The following CEP112 variants were observed in gnomAD, a reference collection of about 807,000 sequenced individuals.
CEP112 encodes the protein centrosomal protein 112.
Under a neutral mutation model 153.0 loss-of-function variants are expected in CEP112, and 127 were observed. That is an observed-to-expected ratio of 0.83 (90% CI 0.72 to 0.96). The LOEUF (loss-of-function observed/expected upper bound fraction) is 0.96, where lower values mean the gene tolerates loss of function less well. Ranked by LOEUF, CEP112 falls within the 40% of genes least tolerant of loss-of-function variation. The pLI is 0.00. For missense variants in CEP112, 1,089 were observed against 1,101.2 expected (o/e 0.99, Z 0.16); for synonymous variants, 358 against 374.4 (o/e 0.96, Z 0.51).
At chr17:66,040,492 T>TC (rs1351225399) in intron 12 of CEP112, among the ~76,000 whole-genome samples, 1 of 45,650 alleles carries the variant, frequency 2.2e-5, no homozygotes, top group Non-Finnish European at 4.8e-5. Flanking sequence ...TTCCCTTTTT[T>TC]TCTTTTTTTT....
intron 6 of CEP112, among the ~76,000 whole-genome samples, chr17:66,121,727 G>T (rs541945830): frequency 2.6e-5 from 4 of 151,756 alleles, no homozygotes; most frequent in African/African-American, 7.2e-5. Context: ...TAGAGATGGG[G>T]GTCTCACTAT....
chr17:65,941,903 T>A (rs2061516738), intron 18 of CEP112, among the ~76,000 whole-genome samples: 1 of 152,032 alleles, frequency 6.6e-6, no homozygotes, highest in Non-Finnish European at 1.5e-5. Context: ...CTGCCTCAAG[T>A]CTTCCAAGTA....
intron 21 of CEP112, among the ~76,000 whole-genome samples, chr17:65,794,429 A>G (rs938021145): frequency 1.7e-4 from 26 of 151,878 alleles, no homozygotes; most frequent in Admixed American, 1.7e-3. Flanking sequence ...CCTTCCCTCT[A>G]TAATGCATTT....
In CEP112 at chr17:65,762,374, G is replaced by T. The variant is rs1021353660; in HGVS notation, c.2395-11650C>A. ...AATATATAGTTGGGTCTTATTTTTTGATCCACTCTGACAATCTCTGCCTTT... is the reference window on the plus strand; with the variant it reads ...AATATATAGTTGGGTCTTATTTTTTTATCCACTCTGACAATCTCTGCCTTT... On this transcript the variant is annotated intron_variant, in intron 21 of 26. Transcript: ENST00000535342. Among the ~76,000 whole-genome samples the T allele has an allele frequency of 4.6e-5, 7 of 151,872 alleles. No homozygotes were observed. In the South Asian group the frequency reaches 6.2e-4, roughly 14 times the overall value.
chr17:65,780,962 A>C (rs559451753), intron 21 of CEP112, among the ~76,000 whole-genome samples: 1 of 152,262 alleles, frequency 6.6e-6, no homozygotes, highest in African/African-American at 2.4e-5. Context: ...AAAAAAAGTA[A>C]TGTATATTAA....
chr17:66,062,576 T>G (rs79402228), intron 11 of CEP112, among the ~76,000 whole-genome samples: 4 of 152,042 alleles, frequency 2.6e-5, no homozygotes, highest in Admixed American at 6.6e-5. Context: ...TAAATTCTAG[T>G]CCATATTATA....
intron 12 of CEP112, among the ~76,000 whole-genome samples, chr17:66,040,860 ATCTT>A (rs752489935): frequency 1.3e-5 from 2 of 152,156 alleles, no homozygotes; most frequent in African/African-American, 4.8e-5. Flanking sequence ...ATTTATTAGT[ATCTT>A]TCTTTAAGGT....
chr17:66,077,583 G>A (rs1205432250), intron 8 of CEP112, among the ~76,000 whole-genome samples: 1 of 152,226 alleles, frequency 6.6e-6, no homozygotes, highest in African/African-American at 2.4e-5. Context: ...CCAAACCTAA[G>A]AACAATCGGT....
intron 2 of CEP112, among the ~76,000 whole-genome samples, chr17:66,181,005 A>G (rs1346446683): frequency 6.6e-6 from 1 of 152,192 alleles, no homozygotes; most frequent in East Asian, 1.9e-4. Context: ...ACAAGAAGAA[A>G]ATACAAAAGT....
chr17:66,128,343 GA>G (rs202183945), intron 6 of CEP112, among the ~76,000 whole-genome samples: 4 of 129,852 alleles, frequency 3.1e-5, no homozygotes, highest in Non-Finnish European at 5.1e-5. Context: ...AAAAGTATAA[GA>G]AAAAAAAAGA....
rs75007864 is a variant in CEP112, at chr17:65,978,345, A to C, written c.1737-16747T>G. Among the ~76,000 whole-genome samples, 264 of 152,348 alleles carry C rather than the reference A, an allele frequency of 1.7e-3. 7 individuals carry two copies. The East Asian group carries it at 0.047, about 27-fold the overall frequency. ...CATTTAAAAAGCACAAAAGGAAAAT[A>C]CTTTGGTGACATAAAGGTAAACATT... On this transcript the variant is annotated intron_variant, in intron 17 of 26. Transcript: ENST00000535342.
At chr17:66,005,070 A>G (rs2064216587) in intron 17 of CEP112, among the ~76,000 whole-genome samples, 1 of 152,198 alleles carries the variant, frequency 6.6e-6, no homozygotes, top group African/African-American at 2.4e-5. Context: ...CTCAATATTT[A>G]TTGAGTTCAG....
chr17:66,038,896 A>G (rs535780178), intron 12 of CEP112, among the ~76,000 whole-genome samples: 6 of 152,332 alleles, frequency 3.9e-5, no homozygotes, highest in African/African-American at 1.4e-4. Flanking sequence ...AAGAGGAGAC[A>G]GGGAAGAGTA....
chr17:65,920,365 ATATATAT>A (rs1568229787), intron 19 of CEP112, among the ~76,000 whole-genome samples: 4 of 32,822 alleles, frequency 1.2e-4, no homozygotes, highest in East Asian at 2.0e-3. Flanking sequence ...CAAACAAAAT[ATATATAT>A]ATATATATAT....
intron 23 of CEP112, among the ~76,000 whole-genome samples, chr17:65,716,106 G>A (rs1213874062): frequency 6.6e-6 from 1 of 151,928 alleles, no homozygotes; most frequent in African/African-American, 2.4e-5. Context: ...AGAAACGAAC[G>A]CATGGTAAAA....
chr17:66,161,579 C>A (rs1431501966), intron 4 of CEP112, among the ~76,000 whole-genome samples: 1 of 152,076 alleles, frequency 6.6e-6, no homozygotes, highest in Non-Finnish European at 1.5e-5. Flanking sequence ...CAAACTAACA[C>A]AAGAACAGAA....
At chr17:65,650,500 G>A (rs1480959633) in intron 24 of CEP112, among the ~76,000 whole-genome samples, 1 of 152,052 alleles carries the variant, frequency 6.6e-6, no homozygotes, top group Admixed American at 6.6e-5. Context: ...CCTCCCAGCT[G>A]CCTCTGCTTG....
intron 16 of CEP112, among the ~76,000 whole-genome samples, chr17:66,007,866 G>T (rs775758418): frequency 6.6e-6 from 1 of 152,014 alleles, no homozygotes; most frequent in African/African-American, 2.4e-5. Context: ...AAGTTCTCTC[G>T]CAAGTTGAAT....
chr17:65,882,172 A>C (rs1242589860), intron 20 of CEP112, among the ~76,000 whole-genome samples: 1 of 152,262 alleles, frequency 6.6e-6, no homozygotes, highest in Non-Finnish European at 1.5e-5. Context: ...TGAAAAACAG[A>C]ACCTCCCTTC....
Sources: gnomAD v4.1 joint callset for allele counts (sites outside exome capture counted in the v4.1 genomes callset) on GRCh38, gnomAD v4.1.1 for gene constraint, MANE v1.5 for transcripts, NCBI Gene and HGNC (gene_info 2026-07-23, HGNC 2026-07-21) for gene names.